RNLS: variants seen among roughly 807,000 people sequenced by gnomAD.
The protein encoded by RNLS is renalase.
Under a neutral mutation model 39.8 loss-of-function variants are expected in RNLS, and 39 were observed. The ratio of observed to expected loss-of-function variants is 0.98; its 90% confidence interval spans 0.76 to 1.28. RNLS has a LOEUF of 1.28. RNLS is among the 50% of genes most tolerant of loss of function. The pLI is 0.00. For synonymous variants in RNLS, 147 were observed against 150.7 expected (o/e 0.98, Z 0.18); for missense variants, 410 against 413.3 (o/e 0.99, Z 0.07).
chr10:88,477,705 C>T (rs140429559), intron 4 of RNLS, among the ~76,000 whole-genome samples: 9 of 152,228 alleles, frequency 5.9e-5, no homozygotes, highest in African/African-American at 2.2e-4. Context: ...ATGCATCATC[C>T]CCCTTAATTT....
At chr10:88,411,803 A>G (rs1190841565) in intron 4 of RNLS, among the ~76,000 whole-genome samples, 1 of 152,138 alleles carries the variant, frequency 6.6e-6, no homozygotes, top group African/African-American at 2.4e-5. Context: ...AGAAGGATAT[A>G]ATGGTGAGCT....
At chr10:88,395,705 G>T (rs1004910393) in intron 4 of RNLS, among the ~76,000 whole-genome samples, 6 of 151,986 alleles carry the variant, frequency 3.9e-5, no homozygotes, top group African/African-American at 1.4e-4. Context: ...AAACTTTCCA[G>T]TTTGATAAAA....
At chr10:88,248,302 G>A in the RNLS span, among the ~76,000 whole-genome samples, 1 of 152,162 alleles carries the variant, frequency 6.6e-6, no homozygotes, top group Non-Finnish European at 1.5e-5. Flanking sequence ...TAGTGGCAAA[G>A]AGCACAAATT....
the RNLS span, among the ~76,000 whole-genome samples, chr10:88,245,385 G>A: frequency 6.6e-6 from 1 of 152,148 alleles, no homozygotes; most frequent in African/African-American, 2.4e-5. Flanking sequence ...ATGATCTCAG[G>A]CAAAGAGCTG....
At chr10:88,265,616 G>A in the RNLS span, among the ~76,000 whole-genome samples, 2 of 152,006 alleles carry the variant, frequency 1.3e-5, no homozygotes, top group Non-Finnish European at 2.9e-5. Flanking sequence ...TGCAGCTATC[G>A]TGAAAGGGGT....
At chr10:88,315,363 G>A (rs973971965) in intron 5 of RNLS, among the ~76,000 whole-genome samples, 2 of 152,124 alleles carry the variant, frequency 1.3e-5, no homozygotes, top group Non-Finnish European at 2.9e-5. Flanking sequence ...AGCAATCAAA[G>A]TCTGAGTTGA....
At chr10:88,321,235 C>T (rs1223076477) in intron 5 of RNLS, among the ~76,000 whole-genome samples, 1 of 152,024 alleles carries the variant, frequency 6.6e-6, no homozygotes, top group East Asian at 1.9e-4. Context: ...AAGCACAAAT[C>T]AAAATATGTT....
the RNLS span, among the ~76,000 whole-genome samples, chr10:88,249,865 G>A: frequency 6.6e-6 from 1 of 152,208 alleles, no homozygotes; most frequent in Non-Finnish European, 1.5e-5. Context: ...AGTCCACTCA[G>A]ATTCAAATGG....
In RNLS at chr10:88,321,190, G is replaced by A. The variant is rs144628250; in HGVS notation, c.701-6549C>T. ...AACATGGAAACCAAACAAACAACTTGCTGCTGAATGACTTTTGGGTAAACA... is the reference window on the plus strand; with the variant it reads ...AACATGGAAACCAAACAAACAACTTACTGCTGAATGACTTTTGGGTAAACA... On this transcript the variant is annotated intron_variant, in intron 5 of 6. Coordinates refer to ENST00000331772, the MANE Select transcript of RNLS (RefSeq NM_001031709.3). Among the ~76,000 whole-genome samples, 5 of 152,176 alleles carry A rather than the reference G, an allele frequency of 3.3e-5. No individual in the cohort carries two copies. In the East Asian group the frequency reaches 9.6e-4, roughly 29 times the overall value.
At chr10:88,349,753 T>A (rs1409325080) in intron 5 of RNLS, among the ~76,000 whole-genome samples, 5 of 151,528 alleles carry the variant, frequency 3.3e-5, no homozygotes, top group African/African-American at 1.2e-4. Context: ...CATATATACA[T>A]TGTGTATATA....
At chr10:88,324,753 C>G (rs1209971019) in intron 5 of RNLS, among the ~76,000 whole-genome samples, 2 of 152,168 alleles carry the variant, frequency 1.3e-5, no homozygotes, top group South Asian at 2.1e-4. Context: ...ATCTCCTAAA[C>G]TTTTTCATCT....
rs1336344093 is a variant in RNLS, at chr10:88,349,683, CAA to C, written c.700+12867_700+12868del. Among the ~76,000 whole-genome samples the C allele has an allele frequency of 4.9e-4, 74 of 151,818 alleles. 2 individuals carry two copies. The East Asian group carries it at 0.014, about 29-fold the overall frequency. The stretch of plus-strand genomic sequence containing the variant: ...AATTTGTGCCTATTAATTTAAATAA[CAA>C]AAAATATTTATTTTTACGTATGTAT... On this transcript the variant is annotated intron_variant, in intron 5 of 6. Transcript: ENST00000331772.
intron 4 of RNLS, among the ~76,000 whole-genome samples, chr10:88,551,309 T>A (rs1236072247): frequency 6.6e-6 from 1 of 152,208 alleles, no homozygotes; most frequent in Non-Finnish European, 1.5e-5. Context: ...TAAAATTTTT[T>A]AATATTTTCA....
chr10:88,367,718 T>C (rs1451905206), intron 4 of RNLS, among the ~76,000 whole-genome samples: 1 of 152,182 alleles, frequency 6.6e-6, no homozygotes, highest in Non-Finnish European at 1.5e-5. Context: ...TAATCTGGGA[T>C]GTAGAGATAC....
intron 4 of RNLS, among the ~76,000 whole-genome samples, chr10:88,536,343 C>T (rs1006487608): frequency 1.3e-5 from 2 of 152,180 alleles, no homozygotes; most frequent in Non-Finnish European, 2.9e-5. Context: ...TTCTCCTTTG[C>T]GCAAGCAATC....
At chr10:88,293,440 GTTT>G (rs1843826552) in intron 6 of RNLS, among the ~76,000 whole-genome samples, 1 of 152,044 alleles carries the variant, frequency 6.6e-6, no homozygotes, top group South Asian at 2.1e-4. Flanking sequence ...CACAAAGGTA[GTTT>G]TTCCCAAAAG....
At chr10:88,393,181 G>A (rs1459911251) in intron 4 of RNLS, among the ~76,000 whole-genome samples, 1 of 152,156 alleles carries the variant, frequency 6.6e-6, no homozygotes, top group African/African-American at 2.4e-5. Flanking sequence ...AGTGTTGGAA[G>A]TTCTGGCCAG....
rs1845621012 is a variant in RNLS at position 88,314,626 on chromosome 10, C to T, written c.716G>A (p.Gly239Glu). The change falls in exon 6 of 7, where the codon GGG becomes GAG. Residue 239 changes from glycine (G) to glutamate (E), a missense_variant. Gly to Glu is a moderately conservative substitution (Grantham distance 98). Coordinates refer to ENST00000331772, the MANE Select transcript of RNLS (RefSeq NM_001031709.3). ...AGTGGTGTGAATCACGAGGGAAGGCCCAATTTCTGATGACTCTGTGGCATA... is the reference window on the plus strand; with the variant it reads ...AGTGGTGTGAATCACGAGGGAAGGCTCAATTTCTGATGACTCTGTGGCATA... ...KKRNIESSEI[G>E]PSLVIHTTVP... is the part of the protein sequence containing the mutation. 1.2e-6 allele frequency: 2 copies of T among 1,612,502 alleles called. No homozygotes were observed. The highest frequency in any genetic ancestry group is 1.7e-5 in the Admixed American group (1 of 59,886).
At chr10:88,282,573 T>C (rs1843059356), downstream of RNLS, among the ~76,000 whole-genome samples, 1 of 151,508 alleles carries the variant, frequency 6.6e-6, no homozygotes, top group Admixed American at 6.6e-5. Context: ...TTGACCCTGT[T>C]CTCTTCAGTT....
Sources: allele counts gnomAD v4.1 joint callset (sites outside exome capture counted in the v4.1 genomes callset), GRCh38; gene constraint gnomAD v4.1.1; transcripts MANE v1.5; gene names NCBI Gene and HGNC (gene_info 2026-07-23, HGNC 2026-07-21).